WDR19: variants seen among roughly 807,000 people sequenced by gnomAD.
The protein encoded by WDR19 is WD repeat-containing protein 19.
A neutral mutation model predicts 180.0 loss-of-function variants in WDR19; 121 were observed. The observed-to-expected ratio is 0.67, with a 90% CI of 0.58 to 0.78. The LOEUF is 0.78. Among genes scored for constraint, WDR19 ranks in the 30% least tolerant of loss-of-function variants. The pLI is 0.00. For synonymous variants in WDR19, 497 were observed against 540.7 expected (o/e 0.92, Z 1.12); for missense variants, 1,450 against 1,640.7 (o/e 0.88, Z 2.01).
chr4:39,261,993 G>A (rs932519542), intron 28 of WDR19, among the ~76,000 whole-genome samples: 17 of 152,060 alleles, frequency 1.1e-4, no homozygotes, highest in Middle Eastern at 3.4e-3. Flanking sequence ...AAAACCTATA[G>A]TGGCTCCCCA....
intron 30 of WDR19, among the ~76,000 whole-genome samples, chr4:39,269,466 G>A (rs567342874): frequency 2.6e-5 from 4 of 152,266 alleles, no homozygotes; most frequent in South Asian, 2.1e-4. Flanking sequence ...GGGCCAGGGG[G>A]GTGCCCTGAG....
In WDR19 at chr4:39,224,985, C is replaced by G. The variant is rs114689848; in HGVS notation, c.1581C>G (p.Thr527=). Residue 527 remains threonine (T), a synonymous_variant, in exon 15 of 37, where the codon ACC becomes ACG. Coordinates refer to ENST00000399820, the MANE Select transcript of WDR19 (RefSeq NM_025132.4). The stretch of plus-strand genomic sequence containing the variant: ...AGATTTTTCCCGACCCAAATGGGAC[C>G]AGATTAGTTTTCATTGATGAAAAAA... The part of the protein sequence containing the change: ...VKKIFPDPNG[T]RLVFIDEKSD... The G allele has an allele frequency of 3.2e-6, 5 of 1,573,432 alleles. No homozygotes were observed. Among genetic ancestry groups the G allele is most frequent in the Non-Finnish European group, 4.3e-6 (5 of 1,159,652 alleles).
At chr4:39,186,354 C>T (rs1312716545) in intron 2 of WDR19, among the ~76,000 whole-genome samples, 185 bp from the exon 3 acceptor site, 1 of 151,874 alleles carries the variant, frequency 6.6e-6, no homozygotes, top group African/African-American at 2.4e-5. Context: ...TGGCAGGCAT[C>T]TGTAATCCCA....
At chr4:39,241,685 A>G (rs1731965629) in intron 21 of WDR19, among the ~76,000 whole-genome samples, 1 of 150,494 alleles carries the variant, frequency 6.6e-6, no homozygotes, top group South Asian at 2.1e-4. Context: ...AATCCCAGCT[A>G]CTCGGGTAGC....
In WDR19 at chr4:39,277,052, C is replaced by T. The variant is rs529745222; in HGVS notation, c.3749C>T (p.Thr1250Met). Residue 1250 changes from threonine to methionine, a missense_variant, in exon 34 of 37, where the codon ACG becomes ATG. Physicochemically the swap from Thr to Met is moderately conservative, Grantham distance 81. Transcript: ENST00000399820. ...GATATATCTGAGATAGAAGAGGCCA[C>T]GACTCCATGTCCATTCTGCAAATTT... ...RPDISEIEEA[T>M]TPCPFCKFLL... 2.7e-5 allele frequency: 43 copies of T among 1,613,756 alleles called. No individual in the cohort carries two copies. The highest frequency in any genetic ancestry group is 3.3e-4 in the Middle Eastern group (2 of 6,062).
intron 5 of WDR19, among the ~76,000 whole-genome samples, chr4:39,197,900 G>A (rs1367954239): frequency 6.6e-6 from 1 of 152,160 alleles, no homozygotes; most frequent in African/African-American, 2.4e-5. Flanking sequence ...GTGCAGTGGT[G>A]GGATTACGGC....
intron 20 of WDR19, among the ~76,000 whole-genome samples, chr4:39,235,872 A>C (rs1182992837): frequency 6.6e-6 from 1 of 152,202 alleles, no homozygotes; most frequent in Non-Finnish European, 1.5e-5. Context: ...GCCAACAAAA[A>C]TATGAAAAAA....
chr4:39,225,154 C>G, intron 15 of WDR19, 121 bp downstream of exon 15: 1 of 705,116 alleles, frequency 1.4e-6, no homozygotes, highest in South Asian at 4.1e-5. Context: ...TAGTTCTTTG[C>G]TGTCATCTTC....
chr4:39,278,658 G>A lies in WDR19; in HGVS notation c.*8G>A, dbSNP rs760894410. On this transcript the variant is annotated 3_prime_UTR_variant, in exon 36 of 37. Transcript: ENST00000399820. ...ACGGAGGAGGAACTGTGATTGGCAC[G>A]TGCAGGTGAGTGGCAGAGCGCCCAC... 18 of 1,598,208 alleles carry A rather than the reference G, an allele frequency of 1.1e-5. No individual in the cohort carries two copies. In the African/African-American group the frequency reaches 1.2e-4, roughly 11 times the overall value.
chr4:39,204,957 G>A (rs1264880381), intron 7 of WDR19, among the ~76,000 whole-genome samples, 197 bp from the exon 8 acceptor site: 1 of 152,226 alleles, frequency 6.6e-6, no homozygotes, highest in Non-Finnish European at 1.5e-5. Context: ...TATTGAAGAT[G>A]TGTAAAACCA....
At chr4:39,284,526 A>G (rs1736955810) in intron 36 of WDR19, among the ~76,000 whole-genome samples, 1 of 94,552 alleles carries the variant, frequency 1.1e-5, no homozygotes, top group Non-Finnish European at 2.0e-5. Context: ...TTTTTTAGAC[A>G]TGGGGTCTCA....
intron 16 of WDR19, 32 bp from the exon 17 acceptor site, chr4:39,228,454 T>C: frequency 6.2e-7 from 1 of 1,610,452 alleles, no homozygotes; most frequent in Non-Finnish European, 8.5e-7. Flanking sequence ...AGTATTAGCT[T>C]TCAGCATTGC....
intron 5 of WDR19, among the ~76,000 whole-genome samples, chr4:39,197,579 C>A (rs1726896101): frequency 6.6e-6 from 1 of 152,012 alleles, no homozygotes; most frequent in African/African-American, 2.4e-5. Flanking sequence ...AGTAGAATTA[C>A]CCTTGGGACT....
intron 4 of WDR19, among the ~76,000 whole-genome samples, chr4:39,192,218 C>T (rs1726241741): frequency 2.0e-5 from 3 of 152,168 alleles, no homozygotes; most frequent in Non-Finnish European, 4.4e-5. Context: ...TCTTGTTATA[C>T]AGTTTTCTCT....
At chr4:39,278,778 T>G (rs1490338380) in intron 36 of WDR19, 115 bp downstream of exon 36, 2 of 513,790 alleles carry the variant, frequency 3.9e-6, no homozygotes, top group Non-Finnish European at 6.9e-6. Flanking sequence ...CTTGCCAGAT[T>G]TGAACAATCT....
At chr4:39,242,318 A>G (rs1732045012) in intron 21 of WDR19, among the ~76,000 whole-genome samples, 1 of 151,834 alleles carries the variant, frequency 6.6e-6, no homozygotes, top group African/African-American at 2.4e-5. Flanking sequence ...ATGTAGTGGC[A>G]TAATCGTAGT....
intron 27 of WDR19, 105 bp from the exon 28 acceptor site, chr4:39,257,381 C>T (rs1331325459): frequency 1.8e-6 from 2 of 1,085,548 alleles, no homozygotes; most frequent in East Asian, 2.6e-5. Context: ...GATGAAGATA[C>T]TTTCACAGAC....
At chr4:39,209,711 C>CA (rs71192833) in intron 9 of WDR19, among the ~76,000 whole-genome samples, 52,535 of 108,470 alleles carry the variant, frequency 0.48, 12,591 homozygotes, top group East Asian at 0.64. Context: ...GACTCTGTCT[C>CA]AAAAAAAAAA....
At chr4:39,228,840 C>T in intron 17 of WDR19, 150 bp downstream of exon 17, 2 of 855,240 alleles carry the variant, frequency 2.3e-6, no homozygotes, top group East Asian at 5.6e-5. Flanking sequence ...AGTACAAGTG[C>T]AGTTGTGCTA....
Sources: allele counts gnomAD v4.1 joint callset (sites outside exome capture counted in the v4.1 genomes callset), GRCh38; gene constraint gnomAD v4.1.1; transcripts MANE v1.5; gene names NCBI Gene and HGNC (gene_info 2026-07-23, HGNC 2026-07-21).